PRKN: variants seen among roughly 807,000 people sequenced by gnomAD.
PRKN encodes the protein E3 ubiquitin-protein ligase parkin.
In PRKN, 56 loss-of-function variants were observed where a neutral mutation model predicts 59.5. The ratio of observed to expected loss-of-function variants is 0.94; its 90% CI spans 0.76 to 1.18. PRKN has a LOEUF of 1.18. PRKN is among the 50% of genes most tolerant of loss of function. The pLI, the probability that PRKN is intolerant of heterozygous loss-of-function variation, is 0.00. For synonymous variants in PRKN, 250 were observed against 222.1 expected (o/e 1.13, Z -1.12); for missense variants, 657 against 596.4 (o/e 1.10, Z -1.06).
intron 2 of PRKN, among the ~76,000 whole-genome samples, chr6:162,286,012 C>T (rs191172840): frequency 1.1e-4 from 16 of 152,262 alleles, no homozygotes; most frequent in Admixed American, 1.0e-3. Flanking sequence ...AACCACACAA[C>T]CAAAGACTAC....
intron 6 of PRKN, among the ~76,000 whole-genome samples, chr6:161,911,907 G>A (rs4421176): frequency 0.056 from 8,470 of 152,208 alleles, 298 homozygotes; most frequent in South Asian, 0.15. Flanking sequence ...GCCAGGCATG[G>A]TAGCTCATGC....
At chr6:162,166,767 G>T (rs935114468) in intron 4 of PRKN, among the ~76,000 whole-genome samples, 15 of 152,194 alleles carry the variant, frequency 9.9e-5, no homozygotes, top group African/African-American at 3.6e-4. Flanking sequence ...ACAGCATGAA[G>T]AGATTAGTAG....
chr6:161,421,630 C>T (rs1270022805), intron 9 of PRKN, among the ~76,000 whole-genome samples: 1 of 152,112 alleles, frequency 6.6e-6, no homozygotes, highest in Non-Finnish European at 1.5e-5. Flanking sequence ...GACGTTTACC[C>T]CTTGAACTGT....
rs578142337 is a variant in PRKN, at chr6:161,419,040, G to A, written c.1084-32163C>T. ...GCGAGTCTCTGAAAATACGTTGGAT[G>A]TAAACACATCGTTTACATGAAGGAC... On this transcript the variant is annotated intron_variant, in intron 9 of 11. Coordinates refer to ENST00000366898, the MANE Select transcript of PRKN (RefSeq NM_004562.3). The surrounding 1 kb of genome is among the most constrained non-coding windows in gnomAD (Gnocchi z 4.1). 1.3e-5 allele frequency among the ~76,000 whole-genome samples: 2 copies of A among 152,316 alleles called. No individual in the cohort carries two copies. The highest frequency in any genetic ancestry group is 4.1e-4 in the South Asian group (2 of 4,826).
intron 6 of PRKN, among the ~76,000 whole-genome samples, chr6:161,910,412 A>G (rs556058705): frequency 6.6e-6 from 1 of 151,778 alleles, no homozygotes; most frequent in Non-Finnish European, 1.5e-5. Context: ...CTGCTACCAC[A>G]CCCGGCTAAT....
intron 4 of PRKN, among the ~76,000 whole-genome samples, chr6:162,166,775 T>C (rs987815663): frequency 2.0e-5 from 3 of 152,190 alleles, no homozygotes; most frequent in Non-Finnish European, 4.4e-5. Context: ...AAGAGATTAG[T>C]AGACAGATGC....
chr6:161,773,400 G>C (rs1049796560), intron 7 of PRKN, among the ~76,000 whole-genome samples: 1 of 152,132 alleles, frequency 6.6e-6, no homozygotes, highest in South Asian at 2.1e-4. Context: ...TGCTGACGAG[G>C]CAGGGGGAAA....
intron 4 of PRKN, among the ~76,000 whole-genome samples, chr6:162,155,950 A>G (rs1375648252): frequency 2.6e-5 from 4 of 152,202 alleles, no homozygotes; most frequent in Non-Finnish European, 5.9e-5. Flanking sequence ...GGAGGAGCCC[A>G]GGGCAACTTG....
intron 3 of PRKN, among the ~76,000 whole-genome samples, chr6:162,232,994 GTTTA>G (rs1367225407): frequency 2.0e-5 from 3 of 152,064 alleles, no homozygotes; most frequent in Non-Finnish European, 1.5e-5. Context: ...ATAAAAGTGT[GTTTA>G]TTTATTTTGC....
intron 8 of PRKN, among the ~76,000 whole-genome samples, chr6:161,559,102 C>T (rs1013555167): frequency 2.8e-4 from 41 of 148,056 alleles, no homozygotes; most frequent in African/African-American, 9.1e-4. Context: ...AGATCATATC[C>T]GGAAGCACAG....
chr6:161,671,057 G>A (rs1476228349), intron 7 of PRKN, among the ~76,000 whole-genome samples: 1 of 151,868 alleles, frequency 6.6e-6, no homozygotes, highest in Non-Finnish European at 1.5e-5. Context: ...TTTCCCTCAA[G>A]CACTAAAAAA....
intron 1 of PRKN, among the ~76,000 whole-genome samples, chr6:162,709,788 C>CCTAT (rs747688622): frequency 1.8e-4 from 27 of 151,228 alleles, no homozygotes; most frequent in Non-Finnish European, 3.7e-4. Flanking sequence ...GGTGAAGGAA[C>CCTAT]ATAGCTATCT....
chr6:161,476,231 T>TA (rs1280477551), intron 9 of PRKN, among the ~76,000 whole-genome samples: 1 of 151,862 alleles, frequency 6.6e-6, no homozygotes, highest in East Asian at 1.9e-4. Flanking sequence ...AAACTGTTCA[T>TA]CAAACTGCCA....
chr6:161,526,849 G>A lies in PRKN; in HGVS notation c.1083+22005C>T, dbSNP rs1407896066. On this transcript the variant is annotated intron_variant, in intron 9 of 11. Coordinates refer to ENST00000366898, the MANE Select transcript of PRKN (RefSeq NM_004562.3). The surrounding 1 kb of genome is among the most constrained non-coding windows in gnomAD (Gnocchi z 4.1). ...TGCATGAGAGTCCCTCAAAATATAA[G>A]GCTCAAAGAAGGGGTAGGTAATTGG... Among the ~76,000 whole-genome samples, 1 of 152,120 alleles carries A rather than the reference G, an allele frequency of 6.6e-6. No individual in the cohort carries two copies. Among genetic ancestry groups the A allele is most frequent in the Non-Finnish European group, 1.5e-5 (1 of 68,026 alleles).
intron 7 of PRKN, among the ~76,000 whole-genome samples, chr6:161,583,713 A>G (rs1406060161): frequency 1.3e-5 from 2 of 152,166 alleles, no homozygotes. Flanking sequence ...GTTGCATCAT[A>G]CTATGCATGA....
chr6:161,844,390 T>C (rs776377125), intron 6 of PRKN, among the ~76,000 whole-genome samples: 1 of 152,234 alleles, frequency 6.6e-6, no homozygotes, highest in Non-Finnish European at 1.5e-5. Flanking sequence ...GTTAAACAGC[T>C]AACATTGAAC....
chr6:161,483,777 A>G lies in PRKN; in HGVS notation c.1083+65077T>C, dbSNP rs113669478. Among the ~76,000 whole-genome samples, 2,159 of 152,316 alleles carry G rather than the reference A, an allele frequency of 0.014. 51 individuals carry two copies. Among genetic ancestry groups the G allele is most frequent in the African/African-American group, 0.05 (2,064 of 41,554 alleles). ...AATAGCAAAGACTTGGAATCAACCCAGATGCCCATCATTGATAGACTGGAT... is the reference window on the plus strand; with the variant it reads ...AATAGCAAAGACTTGGAATCAACCCGGATGCCCATCATTGATAGACTGGAT... On this transcript the variant is annotated intron_variant, in intron 9 of 11. Transcript: ENST00000366898. This position sits in a 1 kb window ranked among gnomAD's most constrained non-coding sequence, Gnocchi z 5.0.
At chr6:161,917,915 T>C (rs1778633866) in intron 6 of PRKN, among the ~76,000 whole-genome samples, 2 of 152,198 alleles carry the variant, frequency 1.3e-5, no homozygotes, top group South Asian at 4.1e-4. Context: ...GGGAATAAAA[T>C]TATAGGGCAG....
intron 6 of PRKN, among the ~76,000 whole-genome samples, chr6:161,808,712 T>C (rs1791437821): frequency 6.6e-6 from 1 of 152,124 alleles, no homozygotes; most frequent in African/African-American, 2.4e-5. Flanking sequence ...TTTCAAACCA[T>C]GCTCCTTATC....
Sources: allele counts gnomAD v4.1 joint callset (sites outside exome capture counted in the v4.1 genomes callset), GRCh38; gene constraint gnomAD v4.1.1; non-coding constraint Gnocchi (gnomAD v3.1); transcripts MANE v1.5; gene names NCBI Gene and HGNC (gene_info 2026-07-23, HGNC 2026-07-21).